Variants in SZT2 observed in about 807,000 individuals in gnomAD.
SZT2 encodes the protein KICSTOR complex protein SZT2.
A neutral mutation model predicts 404.2 loss-of-function variants in SZT2; 216 were observed. The ratio of observed to expected loss-of-function variants is 0.53; its 90% CI spans 0.48 to 0.60. The LOEUF (loss-of-function observed/expected upper bound fraction) is 0.60. Ranked by LOEUF, SZT2 falls within the 20% of genes least tolerant of loss-of-function variation. SZT2 has a pLI of 0.00. For synonymous variants in SZT2, 1,693 were observed against 1,749.9 expected, an observed-to-expected ratio of 0.97 and a Z score of 0.81; for missense variants, 3,857 against 4,459.2, an observed-to-expected ratio of 0.86 and a Z score of 3.85.
chr1:43,422,655 A>ACCCCCCACT, intron 13 of SZT2, 23 bp downstream of exon 13: 1 of 1,095,026 alleles, frequency 9.1e-7, no homozygotes, highest in South Asian at 1.5e-5. Flanking sequence ...ATGTCCCTTC[A>ACCCCCCACT]CCCCCCGCCC....
chr1:43,417,552 C>T (rs545626706), intron 7 of SZT2, among the ~76,000 whole-genome samples: 27 of 152,298 alleles, frequency 1.8e-4, no homozygotes, highest in African/African-American at 6.5e-4. Context: ...TGGTCTAAAT[C>T]CTGACTGCAC....
At chr1:43,435,386 C>T (rs561027590) in intron 42 of SZT2, 57 bp downstream of exon 42, 5 of 1,597,752 alleles carry the variant, frequency 3.1e-6, no homozygotes, top group East Asian at 4.5e-5. Context: ...CTTTCTTTTA[C>T]CGAATACTCT....
At chr1:43,429,629 C>T (rs41302042) in intron 28 of SZT2, 74 bp from the exon 29 acceptor site, 29,593 of 1,591,958 alleles carry the variant, frequency 0.019, 342 homozygotes, top group Middle Eastern at 0.036. Flanking sequence ...CTGTGCTGCT[C>T]CCCAGTTGAG....
At chr1:43,429,887 C>T (rs2153933752) in intron 29 of SZT2, 43 bp downstream of exon 29, 1 of 1,613,112 alleles carries the variant, frequency 6.2e-7, no homozygotes, top group Non-Finnish European at 8.5e-7. Context: ...TAGAGTCCTG[C>T]CTGTGCAGAG....
At chr1:43,431,965 C>T in intron 36 of SZT2, 64 bp downstream of exon 36, 6 of 1,583,994 alleles carry the variant, frequency 3.8e-6, no homozygotes, top group Non-Finnish European at 5.2e-6. Flanking sequence ...GCCCCAGGCA[C>T]AGGACTGGAA....
intron 59 of SZT2, 28 bp from the exon 60 acceptor site, chr1:43,443,160 G>A (rs1655262811): frequency 6.2e-7 from 1 of 1,614,012 alleles, no homozygotes; most frequent in Non-Finnish European, 8.5e-7. Flanking sequence ...CAATGCCTGG[G>A]GCTACTACTA....
In SZT2 at chr1:43,453,303, G is replaced by T; in HGVS notation, c.*2823G>T. ...AACCAGTGGGCTCAGACTTCTGAGC[G>T]TCTCAGATCTGGCGTCCTCGACTCC... On this transcript the variant is annotated 3_prime_UTR_variant, in exon 72 of 72. Transcript: ENST00000634258. 2.3e-6 allele frequency: 2 copies of T among 871,990 alleles called. No individual in the cohort carries two copies. The highest frequency in any genetic ancestry group is 1.8e-6 in the Non-Finnish European group (1 of 567,718). The allele number at this position is 871,990 out of a possible 1,614,324, so 54.0% of individuals were successfully genotyped here. A position where few individuals can be genotyped will look rare whatever the true frequency, so the allele number is the denominator to read the frequency against.
Position 43,452,908 on chromosome 1 carries a change from C to T in SZT2, c.*2428C>T. 2 of 1,602,146 alleles carry T rather than the reference C, an allele frequency of 1.2e-6. No individual in the cohort carries two copies. The highest frequency in any genetic ancestry group is 8.5e-7 in the Non-Finnish European group (1 of 1,175,198). On this transcript the variant is annotated 3_prime_UTR_variant, in exon 72 of 72. Transcript: ENST00000634258. ...CATCCCAACAGGCTACATACATGTCCAGCCTCAGGAACGCTGCCAAATACA... is the reference window on the plus strand; with the variant it reads ...CATCCCAACAGGCTACATACATGTCTAGCCTCAGGAACGCTGCCAAATACA...
At position 43,424,982 on chromosome 1, in the gene SZT2, A is replaced by T; in HGVS notation, c.2550+120A>T. 1 of 1,488,778 alleles carries T rather than the reference A, an allele frequency of 6.7e-7. No individual in the cohort carries two copies. The highest frequency in any genetic ancestry group is 9.3e-7 in the Non-Finnish European group (1 of 1,071,146). The allele number at this position is 1,488,778 out of a possible 1,614,324, so 92.2% of individuals were successfully genotyped here. ...CTCACAGGGACCCTGTGGCCAGAGG[A>T]TGCTCAAGGTCTGAGGCTGCAGTCA... On this transcript the variant is annotated intron_variant, in intron 17 of 71. Transcript: ENST00000634258. This position sits in a 1 kb window ranked among gnomAD's most constrained non-coding sequence, Gnocchi z 4.1.
At chr1:43,440,387 G>C in intron 51 of SZT2, 66 bp from the exon 52 acceptor site, 1 of 1,517,300 alleles carries the variant, frequency 6.6e-7, no homozygotes, top group East Asian at 2.4e-5. Context: ...CCAGTCTTGA[G>C]GTTCAGTTTT....
chr1:43,421,145 A>T, intron 10 of SZT2, 29 bp from the exon 11 acceptor site: 1 of 1,597,866 alleles, frequency 6.3e-7, no homozygotes, highest in Non-Finnish European at 8.5e-7. Flanking sequence ...AGAGTCAGAT[A>T]TGGCTCAGGC....
Position 43,451,770 on chromosome 1 carries a change from G to C in SZT2, c.*1290G>C. ...ACCCCGCAGGCCCCGCCCTCCTTCC[G>C]ATCTGCGAAGTACCCCCTTCCACTT... On this transcript the variant is annotated 3_prime_UTR_variant, in exon 72 of 72. Coordinates refer to ENST00000634258, the MANE Select transcript of SZT2 (RefSeq NM_001365999.1). The C allele has an allele frequency of 6.2e-7, 1 of 1,613,916 alleles. No individual in the cohort carries two copies. The highest frequency in any genetic ancestry group is 8.5e-7 in the Non-Finnish European group (1 of 1,179,846).
At chr1:43,417,524 C>T (rs1331360438) in intron 7 of SZT2, among the ~76,000 whole-genome samples, 1 of 152,150 alleles carries the variant, frequency 6.6e-6, no homozygotes, top group East Asian at 1.9e-4. Flanking sequence ...AGAACATCAC[C>T]TTTGGAGTTA....
chr1:43,429,950 G>A (rs1653656751), intron 29 of SZT2, 61 bp from the exon 30 acceptor site: 2 of 1,612,488 alleles, frequency 1.2e-6, no homozygotes, highest in African/African-American at 1.3e-5. Flanking sequence ...CTCTAGGGTA[G>A]GGAGTAGTAT....
chr1:43,453,132 A>G lies in SZT2; in HGVS notation c.*2652A>G, dbSNP rs897150871. ...CTCAAATGCATCACTGTATATATTTACTCTCCTATCTGCCTAGGCAGACTG... is the reference window on the plus strand; with the variant it reads ...CTCAAATGCATCACTGTATATATTTGCTCTCCTATCTGCCTAGGCAGACTG... On this transcript the variant is annotated 3_prime_UTR_variant, in exon 72 of 72. Coordinates refer to ENST00000634258, the MANE Select transcript of SZT2 (RefSeq NM_001365999.1). 1.4e-6 allele frequency: 1 copy of G among 700,748 alleles called. No homozygotes were observed. The highest frequency in any genetic ancestry group is 1.8e-5 in the African/African-American group (1 of 57,122). 43.4% of individuals were successfully genotyped at this position (700,748 alleles called of 1,614,324 possible).
intron 28 of SZT2, 133 bp downstream of exon 28, chr1:43,428,619 C>T (rs1004365985): frequency 1.3e-5 from 17 of 1,291,706 alleles, no homozygotes; most frequent in Admixed American, 1.3e-4. Context: ...GCTTTGTCGC[C>T]GGCTCACGGA....
chr1:43,395,259 G>A (rs1438424491), intron 1 of SZT2, among the ~76,000 whole-genome samples: 1 of 152,146 alleles, frequency 6.6e-6, no homozygotes, highest in Non-Finnish European at 1.5e-5. Context: ...GTATTAGCCT[G>A]AACAGGTTAC....
chr1:43,416,045 G>A lies in SZT2; in HGVS notation c.716G>A (p.Ser239Asn). ...SMVTADLGLV[S>N]MIRQGILALQ... ...GTGACAGCTGATCTTGGGCTGGTCA[G>A]TATGATTCGTCAGGGCATCTTGGCA... is the stretch of plus-strand genomic sequence containing the variant. The change falls in exon 6 of 72, where the codon AGT becomes AAT. Residue 239 changes from serine to asparagine, a missense_variant. By Grantham distance (46) the Ser-to-Asn change is conservative. Coordinates refer to ENST00000634258, the MANE Select transcript of SZT2 (RefSeq NM_001365999.1). 1 of 1,598,420 alleles carries A rather than the reference G, an allele frequency of 6.3e-7. No homozygotes were observed. Among genetic ancestry groups the A allele is most frequent in the African/African-American group, 1.3e-5 (1 of 75,042 alleles).
intron 32 of SZT2, 73 bp downstream of exon 32, chr1:43,430,862 C>T: frequency 6.3e-7 from 1 of 1,581,504 alleles, no homozygotes; most frequent in South Asian, 1.2e-5. Flanking sequence ...GGAGGGGAGC[C>T]TAGGGTTATG....
Sources: gnomAD v4.1 joint callset for allele counts (sites outside exome capture counted in the v4.1 genomes callset) on GRCh38, gnomAD v4.1.1 for gene constraint, Gnocchi (gnomAD v3.1) non-coding constraint, MANE v1.5 for transcripts, NCBI Gene and HGNC (gene_info 2026-07-23, HGNC 2026-07-21) for gene names.